Variants in FAM171A1 observed in about 807,000 individuals in gnomAD.
FAM171A1 encodes protein FAM171A1.
FAM171A1 carries 23 observed loss-of-function variants against 74.9 expected under a neutral mutation model. The ratio of observed to expected loss-of-function variants is 0.31; its 90% CI spans 0.22 to 0.44. The LOEUF (loss-of-function observed/expected upper bound fraction) is 0.44, where lower values mean the gene tolerates loss of function less well. Among genes scored for constraint, FAM171A1 ranks in the 20% least tolerant of loss-of-function variants. The pLI, the probability that FAM171A1 is intolerant of heterozygous loss-of-function variation, is 1.00. For missense variants in FAM171A1, 1,162 were observed against 1,159.2 expected, an observed-to-expected ratio of 1.00 and a Z score of -0.03; for synonymous variants, 527 against 505.7, an observed-to-expected ratio of 1.04 and a Z score of -0.57.
intron 1 of FAM171A1, among the ~76,000 whole-genome samples, chr10:15,343,503 GCA>G (rs917392930): frequency 7.2e-5 from 11 of 152,320 alleles, no homozygotes; most frequent in African/African-American, 2.6e-4. Context: ...GCAAAGCTAA[GCA>G]CACAGACCTG....
intron 1 of FAM171A1, among the ~76,000 whole-genome samples, chr10:15,345,262 AG>A (rs1835805271): frequency 6.6e-6 from 1 of 152,186 alleles, no homozygotes. Flanking sequence ...CCCTAAGGAG[AG>A]ACAGACATGA....
At chr10:15,361,423 C>T (rs1835992730) in intron 1 of FAM171A1, among the ~76,000 whole-genome samples, 1 of 152,196 alleles carries the variant, frequency 6.6e-6, no homozygotes, top group Non-Finnish European at 1.5e-5. Flanking sequence ...CAACTCATGC[C>T]TGTAATCCCA....
At chr10:15,300,410 G>C (rs1012694753) in intron 1 of FAM171A1, among the ~76,000 whole-genome samples, 7 of 152,074 alleles carry the variant, frequency 4.6e-5, no homozygotes, top group Admixed American at 2.0e-4. Flanking sequence ...AGAAAATATG[G>C]ATACCAACTT....
chr10:15,323,897 C>A (rs781213247), intron 1 of FAM171A1, among the ~76,000 whole-genome samples: 8 of 152,058 alleles, frequency 5.3e-5, no homozygotes, highest in Middle Eastern at 3.2e-3. Context: ...ATAGCACCTA[C>A]TTGCCAGGAA....
intron 1 of FAM171A1, among the ~76,000 whole-genome samples, chr10:15,345,840 G>A (rs562861719): frequency 6.6e-6 from 1 of 152,292 alleles, no homozygotes; most frequent in African/African-American, 2.4e-5. Flanking sequence ...GGAAAGCCTA[G>A]AGAGGCCCCT....
intron 1 of FAM171A1, among the ~76,000 whole-genome samples, chr10:15,306,460 G>A (rs556308684): frequency 6.6e-6 from 1 of 152,084 alleles, no homozygotes; most frequent in South Asian, 2.1e-4. Context: ...TGCCTCCTGG[G>A]TTCAAGCGAT....
At chr10:15,225,619 A>G (rs1012434592) in intron 5 of FAM171A1, among the ~76,000 whole-genome samples, 5 of 152,096 alleles carry the variant, frequency 3.3e-5, no homozygotes, top group Admixed American at 2.6e-4. Flanking sequence ...CAGGGCCAGG[A>G]TTCTTTACTG....
intron 3 of FAM171A1, among the ~76,000 whole-genome samples, chr10:15,258,561 TCCCC>T (rs1834613114): frequency 2.0e-5 from 3 of 152,164 alleles, no homozygotes; most frequent in African/African-American, 7.2e-5. Context: ...AACTCTGTTA[TCCCC>T]ATAAGCGAAT....
intron 1 of FAM171A1, among the ~76,000 whole-genome samples, chr10:15,360,566 G>C (rs912731100): frequency 6.6e-6 from 1 of 152,168 alleles, no homozygotes. Flanking sequence ...TCATGACCAG[G>C]GACAATGAGG....
chr10:15,259,312 C>G (rs766290539), intron 3 of FAM171A1, among the ~76,000 whole-genome samples: 1 of 152,216 alleles, frequency 6.6e-6, no homozygotes. Context: ...AGCCTCCTAT[C>G]TGGGCCATCT....
chr10:15,212,831 T>G lies in FAM171A1; in HGVS notation c.*84A>C. Reference sequence around the variant, plus strand: ...GTCCCACGGCTGGGCTGCCGTTCCGTTTCCTCCACGAACGGGTACGCGCTT... The same window carrying G: ...GTCCCACGGCTGGGCTGCCGTTCCGGTTCCTCCACGAACGGGTACGCGCTT... On this transcript the variant is annotated 3_prime_UTR_variant, in exon 8 of 8. Coordinates refer to ENST00000378116, the MANE Select transcript of FAM171A1 (RefSeq NM_001010924.2). The G allele has an allele frequency of 6.5e-7, 1 of 1,544,922 alleles. No individual in the cohort carries two copies. The highest frequency in any genetic ancestry group is 8.7e-7 in the Non-Finnish European group (1 of 1,147,320).
At chr10:15,291,502 C>A (rs557314861) in intron 1 of FAM171A1, among the ~76,000 whole-genome samples, 2 of 152,300 alleles carry the variant, frequency 1.3e-5, no homozygotes, top group East Asian at 3.9e-4. Flanking sequence ...ATATTTCTAT[C>A]ATTGCAGAAA....
chr10:15,344,150 A>T (rs1835794761), intron 1 of FAM171A1, among the ~76,000 whole-genome samples: 1 of 152,190 alleles, frequency 6.6e-6, no homozygotes, highest in Non-Finnish European at 1.5e-5. Context: ...TGATCCTACT[A>T]AAAAGTTTAG....
chr10:15,282,416 A>G (rs550666936), intron 2 of FAM171A1, among the ~76,000 whole-genome samples: 1 of 152,340 alleles, frequency 6.6e-6, no homozygotes, highest in Non-Finnish European at 1.5e-5. Flanking sequence ...AGATTTCTTT[A>G]AACAAAGACA....
chr10:15,248,540 A>G, intron 5 of FAM171A1, 99 bp downstream of exon 5: 1 of 1,312,938 alleles, frequency 7.6e-7, no homozygotes, highest in Non-Finnish European at 1.0e-6. Flanking sequence ...GCATTCACTG[A>G]CTTCAAGGAA....
chr10:15,218,222 G>A (rs1001599888), intron 6 of FAM171A1, among the ~76,000 whole-genome samples: 3 of 152,024 alleles, frequency 2.0e-5, no homozygotes, highest in Non-Finnish European at 4.4e-5. Flanking sequence ...TGGGACTACA[G>A]GTGTGTGCTA....
chr10:15,356,036 A>G (rs943135786), intron 1 of FAM171A1, among the ~76,000 whole-genome samples: 5 of 152,122 alleles, frequency 3.3e-5, no homozygotes, highest in African/African-American at 7.2e-5. Flanking sequence ...GGCTAATAGA[A>G]TAAAGAAAAA....
intron 5 of FAM171A1, among the ~76,000 whole-genome samples, chr10:15,247,057 G>A (rs1194244991): frequency 6.6e-6 from 1 of 152,108 alleles, no homozygotes; most frequent in Non-Finnish European, 1.5e-5. Context: ...AATAACCAAG[G>A]CTGTGCATAA....
At chr10:15,239,077 T>G (rs1429586394) in intron 5 of FAM171A1, among the ~76,000 whole-genome samples, 2 of 152,178 alleles carry the variant, frequency 1.3e-5, no homozygotes, top group African/African-American at 2.4e-5. Flanking sequence ...TCTGACAACC[T>G]GTACATCAGA....
Sources: allele counts gnomAD v4.1 joint callset (sites outside exome capture counted in the v4.1 genomes callset), GRCh38; gene constraint gnomAD v4.1.1; transcripts MANE v1.5; gene names NCBI Gene and HGNC (gene_info 2026-07-23, HGNC 2026-07-21).